The following PLSCR4 variants were observed in gnomAD, a reference collection of about 807,000 sequenced individuals.
PLSCR4 encodes the protein Ca(2+)-dependent phospholipid scramblase 4.
PLSCR4 carries 25 observed loss-of-function variants against 36.3 expected under a neutral mutation model. The observed-to-expected ratio is 0.69, with a 90% CI of 0.50 to 0.96. The LOEUF is 0.96. PLSCR4 is among the 40% of genes least tolerant of loss of function. The pLI is 0.00. For synonymous variants in PLSCR4, 122 were observed against 132.9 expected, an observed-to-expected ratio of 0.92 and a Z score of 0.56; for missense variants, 408 against 414.7, an observed-to-expected ratio of 0.98 and a Z score of 0.14.
chr3:146,220,089 CATT>C (rs370667321), intron 3 of PLSCR4, among the ~76,000 whole-genome samples: 47 of 152,282 alleles, frequency 3.1e-4, no homozygotes, highest in African/African-American at 1.0e-3. Flanking sequence ...GTGTCTACAT[CATT>C]ATGTAAGTCA....
intron 1 of PLSCR4, among the ~76,000 whole-genome samples, chr3:146,222,871 G>C (rs994532709): frequency 8.5e-5 from 13 of 152,116 alleles, no homozygotes; most frequent in African/African-American, 3.1e-4. Context: ...AGCTTAGATG[G>C]GGGAGGTGAC....
chr3:146,220,920 C>T lies in PLSCR4; in HGVS notation c.13G>A (p.Val5Ile). ...GCAGGCTGTTCAGGGGCTGTGGGTA[C>T]CACACCTTCAGGGGAAGACAGGGAA... MSGV[V>I]PTAPEQPAGE... Residue 5 changes from valine to isoleucine, a missense_variant, in exon 3 of 9, where the codon GTA becomes ATA. Transcript: ENST00000354952. The T allele has an allele frequency of 6.2e-7, 1 of 1,602,358 alleles. No individual in the cohort carries two copies. Among genetic ancestry groups the T allele is most frequent in the Non-Finnish European group, 8.5e-7 (1 of 1,171,198 alleles).
intron 4 of PLSCR4, among the ~76,000 whole-genome samples, chr3:146,201,410 C>T (rs1397502579): frequency 1.3e-5 from 2 of 152,004 alleles, no homozygotes; most frequent in Non-Finnish European, 2.9e-5. Flanking sequence ...AGATAAGTCC[C>T]TACTCACTGG....
At chr3:146,208,042 A>C (rs1295824396) in intron 3 of PLSCR4, among the ~76,000 whole-genome samples, 3 of 152,178 alleles carry the variant, frequency 2.0e-5, no homozygotes, top group Non-Finnish European at 4.4e-5. Context: ...TGATACTATA[A>C]GGACATAGTC....
chr3:146,245,408 C>T (rs1387719917), intron 1 of PLSCR4, among the ~76,000 whole-genome samples: 1 of 151,862 alleles, frequency 6.6e-6, no homozygotes, highest in Non-Finnish European at 1.5e-5. Flanking sequence ...TTCCTCTATA[C>T]CAAATTCAAA....
chr3:146,224,659 C>G (rs2035356758), intron 1 of PLSCR4, among the ~76,000 whole-genome samples: 1 of 152,044 alleles, frequency 6.6e-6, no homozygotes, highest in African/African-American at 2.4e-5. Flanking sequence ...AGAAAAAAAG[C>G]TTCCACAGTG....
At position 146,234,947 on chromosome 3, in the gene PLSCR4, CA is replaced by C. The variant is rs1377851405; in HGVS notation, c.-21-12856del. On this transcript the variant is annotated intron_variant, in intron 1 of 8. Coordinates refer to ENST00000354952, the MANE Select transcript of PLSCR4 (RefSeq NM_020353.3). ...TAACTGACATTGAAATCATAACTCA[CA>C]AAAGGCTGGCCAGAACTTTTGGCCT... Among the ~76,000 whole-genome samples, 15 of 152,288 alleles carry C rather than the reference CA, an allele frequency of 9.8e-5. No individual in the cohort carries two copies. In the East Asian group the frequency reaches 2.7e-3, roughly 27 times the overall value.
intron 1 of PLSCR4, among the ~76,000 whole-genome samples, chr3:146,240,529 C>G (rs928267838): frequency 3.3e-5 from 5 of 152,124 alleles, no homozygotes; most frequent in Non-Finnish European, 7.4e-5. Flanking sequence ...TTCTTGAGAC[C>G]AGGAGTTCGA....
In PLSCR4 at chr3:146,206,531, C is replaced by T; in HGVS notation, c.349G>A (p.Val117Ile). Residue 117 changes from valine (V) to isoleucine (I), a missense_variant, in exon 4 of 9, where the codon GTT becomes ATT. By Grantham distance (29) the Val-to-Ile change is conservative. Coordinates refer to ENST00000354952, the MANE Select transcript of PLSCR4 (RefSeq NM_020353.3). ...ANCPPGLEYL[V>I]QLDNIHVLQH... ...TTTGTATTTTCATGGAGTACCTGAACTAAGTATTCCAGACCAGGAGGGCAG... is the reference window on the plus strand; with the variant it reads ...TTTGTATTTTCATGGAGTACCTGAATTAAGTATTCCAGACCAGGAGGGCAG... 6.3e-7 allele frequency: 1 copy of T among 1,598,930 alleles called. No homozygotes were observed. Among genetic ancestry groups the T allele is most frequent in the Non-Finnish European group, 8.6e-7 (1 of 1,166,354 alleles).
chr3:146,229,901 G>A (rs2035638161), intron 1 of PLSCR4, among the ~76,000 whole-genome samples: 1 of 152,134 alleles, frequency 6.6e-6, no homozygotes, highest in Non-Finnish European at 1.5e-5. Flanking sequence ...TGGGATTACA[G>A]GCATGAGCCA....
chr3:146,241,046 A>AC (rs1378933492), intron 1 of PLSCR4, among the ~76,000 whole-genome samples: 4 of 152,138 alleles, frequency 2.6e-5, no homozygotes, highest in Non-Finnish European at 5.9e-5. Flanking sequence ...TCCTGGATGA[A>AC]CCTTGAAAAC....
chr3:146,228,660 A>G (rs527587093), intron 1 of PLSCR4, among the ~76,000 whole-genome samples: 47 of 152,182 alleles, frequency 3.1e-4, no homozygotes, highest in Non-Finnish European at 5.9e-4. Flanking sequence ...GAAAATTAAG[A>G]TTATATTAAT....
intron 6 of PLSCR4, among the ~76,000 whole-genome samples, chr3:146,197,386 T>C (rs1242457437): frequency 2.0e-5 from 3 of 152,186 alleles, no homozygotes; most frequent in Non-Finnish European, 4.4e-5. Flanking sequence ...CTTGCTGTGC[T>C]GTAAAACGGT....
chr3:146,212,351 A>G (rs1395407548), intron 3 of PLSCR4, among the ~76,000 whole-genome samples: 1 of 149,236 alleles, frequency 6.7e-6, no homozygotes, highest in Non-Finnish European at 1.5e-5. Context: ...ATACTTTTGG[A>G]TTTCTGTATT....
chr3:146,240,715 A>G (rs1029276764), intron 1 of PLSCR4, among the ~76,000 whole-genome samples: 2 of 147,098 alleles, frequency 1.4e-5, no homozygotes, highest in Non-Finnish European at 3.0e-5. Context: ...CGAAACCTTC[A>G]TATGTCGCTG....
chr3:146,199,987 G>A lies in PLSCR4; in HGVS notation c.450C>T (p.Asp150=), dbSNP rs779035148. 29 of 1,612,160 alleles carry A rather than the reference G, an allele frequency of 1.8e-5. No individual in the cohort carries two copies. The highest frequency in any genetic ancestry group is 8.4e-5 in the Admixed American group (5 of 59,858). The change falls in exon 6 of 9, where the codon GAC becomes GAT. Residue 150 remains aspartate (D), a synonymous_variant. Transcript: ENST00000354952. ...CTTCGGTTACAATGTAAACCATCTG[G>A]TCTGAGTTGTTTTTAATATCATATC... ...NNRYDIKNNS[D]QMVYIVTEDT...
At chr3:146,237,451 A>T (rs923477305) in intron 1 of PLSCR4, among the ~76,000 whole-genome samples, 4 of 152,142 alleles carry the variant, frequency 2.6e-5, no homozygotes, top group African/African-American at 9.6e-5. Context: ...CATATGAAAC[A>T]TTCTCCAAGA....
At chr3:146,195,741 T>G (rs1338509568) in intron 7 of PLSCR4, among the ~76,000 whole-genome samples, 1 of 152,198 alleles carries the variant, frequency 6.6e-6, no homozygotes, top group Admixed American at 6.5e-5. Context: ...CTTCAGTTTC[T>G]AAAAGGGGAA....
chr3:146,219,642 C>A (rs2035051260), intron 3 of PLSCR4, among the ~76,000 whole-genome samples: 1 of 152,088 alleles, frequency 6.6e-6, no homozygotes, highest in African/African-American at 2.4e-5. Flanking sequence ...TTTGGCCGGG[C>A]ACGGTGGCTC....
Sources: gnomAD v4.1 joint callset for allele counts (sites outside exome capture counted in the v4.1 genomes callset) on GRCh38, gnomAD v4.1.1 for gene constraint, MANE v1.5 for transcripts, NCBI Gene and HGNC (gene_info 2026-07-23, HGNC 2026-07-21) for gene names.